The following SYN3 variants were observed in gnomAD, a reference collection of about 807,000 sequenced individuals.
The protein encoded by SYN3 is synapsin III, also known as synapsin-3.
A neutral mutation model predicts 65.8 loss-of-function variants in SYN3; 35 were observed. The ratio of observed to expected loss-of-function variants is 0.53; its 90% CI spans 0.41 to 0.70. The LOEUF (loss-of-function observed/expected upper bound fraction) is 0.70. Among genes scored for constraint, SYN3 ranks in the 30% least tolerant of loss-of-function variants. The probability of loss-of-function intolerance (pLI) is 0.00; values close to 1 mark genes in which losing one functional copy is unlikely to be tolerated. For synonymous variants in SYN3, 270 were observed against 292.9 expected, an observed-to-expected ratio of 0.92 and a Z score of 0.80; for missense variants, 680 against 749.0, an observed-to-expected ratio of 0.91 and a Z score of 1.08.
At chr22:33,034,561 CT>C (rs2053818408) in intron 1 of SYN3, among the ~76,000 whole-genome samples, 1 of 152,038 alleles carries the variant, frequency 6.6e-6, no homozygotes. Flanking sequence ...GTACTACTTT[CT>C]AGTGACTCAC....
chr22:32,565,837 CG>C (rs1274179968), intron 7 of SYN3, among the ~76,000 whole-genome samples: 7 of 152,040 alleles, frequency 4.6e-5, no homozygotes, highest in African/African-American at 1.7e-4. Flanking sequence ...TCAGCCCCCC[CG>C]AGTAGCTGCG....
At position 33,058,362 on chromosome 22, in the gene SYN3, G is replaced by C. The variant is rs2145997705; in HGVS notation, c.-233C>G. On this transcript the variant is annotated 5_prime_UTR_variant, in exon 1 of 14. Transcript: ENST00000358763. Reference sequence around the variant, plus strand: ...GCGCCCGCCAGTCGATCCGCTCCGGGTCCCGGGAGCTCAGCCTCTGCCCCT... The same window carrying C: ...GCGCCCGCCAGTCGATCCGCTCCGGCTCCCGGGAGCTCAGCCTCTGCCCCT... The C allele has an allele frequency of 6.6e-6, 1 of 151,642 alleles. No homozygotes were observed. The highest frequency in any genetic ancestry group is 2.1e-4 in the South Asian group (1 of 4,830). 9.4% of individuals were successfully genotyped at this position (151,642 alleles called of 1,614,324 possible). A position where few individuals can be genotyped will look rare whatever the true frequency, so the allele number is the denominator to read the frequency against.
chr22:32,587,952 A>G (rs1209380105), intron 7 of SYN3, among the ~76,000 whole-genome samples: 1 of 151,938 alleles, frequency 6.6e-6, no homozygotes, highest in Admixed American at 6.6e-5. Flanking sequence ...GTTGTGCCCC[A>G]CTCCACCATT....
chr22:32,823,330 C>A (rs778486637), intron 6 of SYN3, among the ~76,000 whole-genome samples: 2 of 152,168 alleles, frequency 1.3e-5, no homozygotes, highest in Non-Finnish European at 2.9e-5. Context: ...ATGGGACCTG[C>A]CACAGAGAAT....
At chr22:33,013,395 T>C (rs894385468) in intron 1 of SYN3, among the ~76,000 whole-genome samples, 1 of 152,204 alleles carries the variant, frequency 6.6e-6, no homozygotes, top group African/African-American at 2.4e-5. Context: ...GAGAGGATGG[T>C]TAGAGAAGGC....
chr22:32,546,111 T>C (rs1474497338), intron 7 of SYN3, among the ~76,000 whole-genome samples: 1 of 152,066 alleles, frequency 6.6e-6, no homozygotes, highest in African/African-American at 2.4e-5. Flanking sequence ...TCTTTTTCTT[T>C]ACAGAGGGTC....
At chr22:32,562,760 G>A (rs1005472433) in intron 7 of SYN3, among the ~76,000 whole-genome samples, 1 of 152,246 alleles carries the variant, frequency 6.6e-6, no homozygotes, top group Non-Finnish European at 1.5e-5. Context: ...CCTAAGCCCT[G>A]CTTATTATTT....
At chr22:32,886,428 C>T (rs2049288851) in intron 4 of SYN3, among the ~76,000 whole-genome samples, 1 of 152,108 alleles carries the variant, frequency 6.6e-6, no homozygotes, top group South Asian at 2.1e-4. Flanking sequence ...GATCCCGGCT[C>T]CCCCAGCTGT....
intron 6 of SYN3, among the ~76,000 whole-genome samples, chr22:32,636,902 A>G (rs184405424): frequency 1.4e-4 from 22 of 152,350 alleles, no homozygotes; most frequent in South Asian, 1.2e-3. Context: ...TTTTAAAGCA[A>G]TTAACCTCTT....
chr22:33,049,061 T>C (rs2054117468), intron 1 of SYN3, among the ~76,000 whole-genome samples: 1 of 152,224 alleles, frequency 6.6e-6, no homozygotes, highest in African/African-American at 2.4e-5. Context: ...ACAAAAACCA[T>C]GTATAATGCA....
intron 6 of SYN3, among the ~76,000 whole-genome samples, chr22:32,687,209 G>GC (rs144409453): frequency 1 from 152,232 of 152,232 alleles, 76,116 homozygotes; most frequent in Non-Finnish European, 1. Context: ...TGCCGCCCAG[G>GC]TGGAGTGCAA....
chr22:32,869,162 A>G, intron 4 of SYN3, 37 bp from the exon 5 acceptor site: 3 of 1,596,288 alleles, frequency 1.9e-6, no homozygotes, highest in Middle Eastern at 3.3e-4. Context: ...ACACTGGGAC[A>G]TTGATGAAAC....
intron 3 of SYN3, among the ~76,000 whole-genome samples, chr22:32,934,437 G>A (rs2050719551): frequency 1.3e-5 from 2 of 152,184 alleles, no homozygotes; most frequent in African/African-American, 2.4e-5. Context: ...TGTGGTTTAT[G>A]AATAATTACA....
intron 6 of SYN3, among the ~76,000 whole-genome samples, chr22:32,760,678 TGG>T (rs2045455255): frequency 1.3e-5 from 2 of 151,698 alleles, no homozygotes; most frequent in Non-Finnish European, 2.9e-5. Context: ...GCTCTGAGGG[TGG>T]GGCTCCTCTG....
At chr22:32,550,029 C>A (rs2058389645) in intron 7 of SYN3, among the ~76,000 whole-genome samples, 1 of 151,996 alleles carries the variant, frequency 6.6e-6, no homozygotes, top group South Asian at 2.1e-4. Context: ...GCTTTGGAAT[C>A]AAGCAAAAAT....
intron 6 of SYN3, among the ~76,000 whole-genome samples, chr22:32,761,306 G>T (rs9609622): frequency 0.15 from 23,153 of 152,212 alleles, 2,271 homozygotes; most frequent in East Asian, 0.35. Flanking sequence ...GTTTTTATGA[G>T]GAGCAGGAGC....
At chr22:32,714,096 G>C (rs1408852584) in intron 6 of SYN3, among the ~76,000 whole-genome samples, 5 of 152,170 alleles carry the variant, frequency 3.3e-5, no homozygotes, top group African/African-American at 1.2e-4. Flanking sequence ...TTTCCTGAAT[G>C]CCTTTAGCTG....
intron 6 of SYN3, among the ~76,000 whole-genome samples, chr22:32,810,891 C>T (rs568171123): frequency 6.6e-4 from 101 of 152,240 alleles, no homozygotes; most frequent in Non-Finnish European, 1.3e-3. Context: ...CCTGCCTTTT[C>T]GATTTGGAAA....
At chr22:32,574,082 T>A (rs1601669812) in intron 7 of SYN3, among the ~76,000 whole-genome samples, 1 of 150,738 alleles carries the variant, frequency 6.6e-6, no homozygotes, top group East Asian at 1.9e-4. Context: ...TTGGCTGGGG[T>A]TTTTTTATTT....
Sources: gnomAD v4.1 joint callset for allele counts (sites outside exome capture counted in the v4.1 genomes callset) on GRCh38, gnomAD v4.1.1 for gene constraint, MANE v1.5 for transcripts, NCBI Gene and HGNC (gene_info 2026-07-23, HGNC 2026-07-21) for gene names.